FOXP1: variants seen among roughly 807,000 people sequenced by gnomAD.
FOXP1 encodes forkhead box protein P1.
Under a neutral mutation model 98.2 loss-of-function variants are expected in FOXP1, and 15 were observed. The ratio of observed to expected loss-of-function variants is 0.15; its 90% CI spans 0.10 to 0.24. The LOEUF (loss-of-function observed/expected upper bound fraction) is 0.24. Ranked by LOEUF, FOXP1 falls within the 10% of genes least tolerant of loss-of-function variation. FOXP1 has a pLI of 1.00. For missense variants in FOXP1, 633 were observed against 848.5 expected, an observed-to-expected ratio of 0.75 and a Z score of 3.15; for synonymous variants, 371 against 314.5, an observed-to-expected ratio of 1.18 and a Z score of -1.90.
intron 2 of FOXP1, among the ~76,000 whole-genome samples, chr3:71,556,013 C>T (rs1306230471): frequency 1.3e-5 from 2 of 151,874 alleles, no homozygotes; most frequent in Non-Finnish European, 2.9e-5. Flanking sequence ...AAAAATCTGT[C>T]TTACAGAATG....
intron 3 of FOXP1, among the ~76,000 whole-genome samples, chr3:71,434,273 GC>G (rs113085057): frequency 6.6e-6 from 1 of 151,650 alleles, no homozygotes; most frequent in Non-Finnish European, 1.5e-5. Flanking sequence ...GGATCCTAGA[GC>G]CCCCCCGAAG....
At chr3:71,204,279 C>T (rs539415750) in intron 5 of FOXP1, among the ~76,000 whole-genome samples, 21 of 152,288 alleles carry the variant, frequency 1.4e-4, no homozygotes, top group East Asian at 1.2e-3. Flanking sequence ...ATCAAGCAAA[C>T]GAACTGGTTC....
At chr3:71,195,847 C>T (rs1242638794) in intron 6 of FOXP1, among the ~76,000 whole-genome samples, 7 of 152,172 alleles carry the variant, frequency 4.6e-5, no homozygotes, top group Non-Finnish European at 1.0e-4. Context: ...TTGTAGAATG[C>T]TCACATTTCT....
At chr3:70,984,577 C>T (rs977879368) in intron 14 of FOXP1, among the ~76,000 whole-genome samples, 3 of 151,962 alleles carry the variant, frequency 2.0e-5, no homozygotes, top group Admixed American at 6.6e-5. Flanking sequence ...CTACTTGTCA[C>T]GTATGTCACA....
intron 2 of FOXP1, among the ~76,000 whole-genome samples, chr3:71,530,277 C>T (rs1049573993): frequency 2.0e-5 from 3 of 152,130 alleles, no homozygotes; most frequent in African/African-American, 7.2e-5. Flanking sequence ...GGGTTCATTA[C>T]TGAGAGTGGG....
chr3:71,176,950 C>G (rs1174652314), intron 6 of FOXP1, among the ~76,000 whole-genome samples: 1 of 151,748 alleles, frequency 6.6e-6, no homozygotes, highest in African/African-American at 2.4e-5. Flanking sequence ...GTAGTCCCAG[C>G]TACTAAGGAG....
At chr3:71,452,469 C>A (rs2087045805) in intron 3 of FOXP1, among the ~76,000 whole-genome samples, 1 of 152,128 alleles carries the variant, frequency 6.6e-6, no homozygotes, top group African/African-American at 2.4e-5. Flanking sequence ...AAGATAGGGA[C>A]AATTTGGAAC....
intron 5 of FOXP1, among the ~76,000 whole-genome samples, chr3:71,247,459 T>C (rs747173508): frequency 6.6e-6 from 1 of 152,192 alleles, no homozygotes; most frequent in Non-Finnish European, 1.5e-5. Context: ...AGGCCATTTA[T>C]TCCAACCTCT....
intron 3 of FOXP1, among the ~76,000 whole-genome samples, chr3:71,429,240 G>T (rs2084455545): frequency 6.6e-6 from 1 of 152,166 alleles, no homozygotes; most frequent in African/African-American, 2.4e-5. Context: ...GACACTGAAG[G>T]AAAACTATGG....
rs11914627 is a variant in FOXP1 at position 70,955,171 on chromosome 3, G to A, written c.*4076C>T. 2,408 of 232,528 alleles carry A rather than the reference G, an allele frequency of 0.01. 49 individuals are homozygous for A. Among genetic ancestry groups the A allele is most frequent in the African/African-American group, 0.048 (2,167 of 45,370 alleles). 14.4% of individuals were successfully genotyped at this position (232,528 alleles called of 1,614,324 possible). Reference sequence around the variant, plus strand: ...ACTCTTCTTTGTGCCTTTGGAAACGGAGTTCAGCTGGAATATGGAAAAGAG... The same window carrying A: ...ACTCTTCTTTGTGCCTTTGGAAACGAAGTTCAGCTGGAATATGGAAAAGAG... On this transcript the variant is annotated 3_prime_UTR_variant, in exon 21 of 21. Transcript: ENST00000649528.
intron 5 of FOXP1, among the ~76,000 whole-genome samples, chr3:71,255,378 G>C (rs2068537086): frequency 6.6e-6 from 1 of 152,114 alleles, no homozygotes; most frequent in South Asian, 2.1e-4. Flanking sequence ...GGGTGGGGGA[G>C]AGTTAAGCCT....
chr3:71,329,094 C>G (rs2076127255), intron 4 of FOXP1, among the ~76,000 whole-genome samples: 1 of 151,910 alleles, frequency 6.6e-6, no homozygotes, highest in Non-Finnish European at 1.5e-5. Context: ...GAGCTCACGC[C>G]TGGTGCCCTT....
chr3:71,253,907 A>C (rs2068422562), intron 5 of FOXP1, among the ~76,000 whole-genome samples: 1 of 152,252 alleles, frequency 6.6e-6, no homozygotes, highest in Non-Finnish European at 1.5e-5. Flanking sequence ...CTGGGTATTA[A>C]GAACAGAGGT....
chr3:71,282,838 T>A (rs2071711055), intron 5 of FOXP1, among the ~76,000 whole-genome samples: 1 of 152,156 alleles, frequency 6.6e-6, no homozygotes, highest in Non-Finnish European at 1.5e-5. Context: ...AAAACTGGCA[T>A]CCAAACTCAG....
At chr3:71,040,130 TG>T (rs2048148363) in intron 11 of FOXP1, 2 of 152,000 alleles carry the variant, frequency 1.3e-5, no homozygotes, top group Non-Finnish European at 2.9e-5. Context: ...TGTGTGTGTG[TG>T]TATCTGTGTG....
chr3:71,258,683 A>T lies in FOXP1; in HGVS notation c.-12+41137T>A, dbSNP rs573449098. Among the ~76,000 whole-genome samples the T allele has an allele frequency of 8.5e-5, 13 of 152,326 alleles. No individual in the cohort carries two copies. In the South Asian group the frequency reaches 2.7e-3, roughly 32 times the overall value. ...GAGGTCAAATAAACAGTGTGTGGCA[A>T]TTGGAAGGATGTAGGAGGGGAATGG... On this transcript the variant is annotated intron_variant, in intron 5 of 20. Transcript: ENST00000649528.
At chr3:71,014,286 A>G (rs2044116063) in intron 12 of FOXP1, among the ~76,000 whole-genome samples, 1 of 152,218 alleles carries the variant, frequency 6.6e-6, no homozygotes, top group Non-Finnish European at 1.5e-5. Context: ...AAAGAACTTA[A>G]TTTACAAGAA....
chr3:71,240,783 G>A (rs939334776), intron 5 of FOXP1, among the ~76,000 whole-genome samples: 1 of 151,560 alleles, frequency 6.6e-6, no homozygotes, highest in African/African-American at 2.4e-5. Flanking sequence ...CTGACCTCAT[G>A]ATCTGCCCGC....
At chr3:71,050,621 G>A (rs1410852239) in intron 9 of FOXP1, among the ~76,000 whole-genome samples, 2 of 152,222 alleles carry the variant, frequency 1.3e-5, no homozygotes, top group Non-Finnish European at 2.9e-5. Context: ...AGCAGAAGGG[G>A]AAACCTCTTG....
Sources: allele counts gnomAD v4.1 joint callset (sites outside exome capture counted in the v4.1 genomes callset), GRCh38; gene constraint gnomAD v4.1.1; transcripts MANE v1.5; gene names NCBI Gene and HGNC (gene_info 2026-07-23, HGNC 2026-07-21).